DLGAP1: variants seen among roughly 807,000 people sequenced by gnomAD.
The protein encoded by DLGAP1 is DLG associated protein 1, also known as disks large-associated protein 1.
A neutral mutation model predicts 90.8 loss-of-function variants in DLGAP1; 11 were observed. That is an observed-to-expected ratio of 0.12 (90% confidence interval 0.08 to 0.20). DLGAP1 has a LOEUF of 0.20. Among genes scored for constraint, DLGAP1 ranks in the 10% least tolerant of loss-of-function variants. The pLI is 1.00. For synonymous variants in DLGAP1, 558 were observed against 540.7 expected (o/e 1.03, Z -0.44); for missense variants, 1,050 against 1,333.8 (o/e 0.79, Z 3.31).
chr18:3,927,658 T>C (rs1018723978), intron 3 of DLGAP1, among the ~76,000 whole-genome samples: 2 of 152,214 alleles, frequency 1.3e-5, no homozygotes, highest in African/African-American at 4.8e-5. Context: ...TATCTGCTAG[T>C]AGAGTAAAGA....
At chr18:3,953,385 G>C (rs6506144) in intron 3 of DLGAP1, among the ~76,000 whole-genome samples, 98,060 of 151,982 alleles carry the variant, frequency 0.65, 31,775 homozygotes, top group Non-Finnish European at 0.67. Context: ...TTCGATATGT[G>C]TATGTGTGCC....
Position 4,219,441 on chromosome 18 carries a change from A to G in DLGAP1, c.-266-68154T>C, listed in dbSNP as rs180671599. Among the ~76,000 whole-genome samples, 43 of 151,998 alleles carry G rather than the reference A, an allele frequency of 2.8e-4. No homozygotes were observed. In the East Asian group the frequency reaches 8.1e-3, roughly 29 times the overall value. On this transcript the variant is annotated intron_variant, in intron 1 of 12. Coordinates refer to ENST00000315677, the MANE Select transcript of DLGAP1 (RefSeq NM_004746.4). ...CCCAGTCCATGCAATGTTTCTTCAC[A>G]CTACTGTTTCCTTTGCTCTGCAGAA...
In DLGAP1 at chr18:3,715,104, A is replaced by G. The variant is rs117009390; in HGVS notation, c.1591+14031T>C. Among the ~76,000 whole-genome samples the G allele has an allele frequency of 1.2e-3, 190 of 152,348 alleles. 5 individuals carry two copies. The East Asian group carries it at 0.035, about 28-fold the overall frequency. On this transcript the variant is annotated intron_variant, in intron 7 of 12. Transcript: ENST00000315677. ...TAACCATATGAATGGAAGAAGCTCA[A>G]CTGCTTATTTCTAGGTTCTCATTCC...
At chr18:3,583,426 ATCTC>A (rs971401217) in intron 7 of DLGAP1, among the ~76,000 whole-genome samples, 1 of 149,278 alleles carries the variant, frequency 6.7e-6, no homozygotes, top group African/African-American at 2.5e-5. Context: ...CACCTTGCCT[ATCTC>A]TCTCTCTGTC....
chr18:4,451,658 G>T (rs2083835225), intron 1 of DLGAP1, among the ~76,000 whole-genome samples: 2 of 152,004 alleles, frequency 1.3e-5, no homozygotes, highest in Non-Finnish European at 2.9e-5. Context: ...AAAAAAGAAA[G>T]AAAAAACATC....
At chr18:4,190,072 G>A (rs533446990) in intron 1 of DLGAP1, among the ~76,000 whole-genome samples, 8 of 152,120 alleles carry the variant, frequency 5.3e-5, no homozygotes, top group Non-Finnish European at 1.2e-4. Flanking sequence ...ACAAGCTTAT[G>A]TCCACACAAA....
At chr18:3,801,168 T>C (rs1243820756) in intron 5 of DLGAP1, among the ~76,000 whole-genome samples, 4 of 152,032 alleles carry the variant, frequency 2.6e-5, no homozygotes, top group Non-Finnish European at 5.9e-5. Context: ...CACCAAGCCA[T>C]TCATTAGGGA....
intron 7 of DLGAP1, among the ~76,000 whole-genome samples, chr18:3,626,221 G>T (rs1484836882): frequency 6.6e-6 from 1 of 151,374 alleles, no homozygotes; most frequent in Non-Finnish European, 1.5e-5. Context: ...TTAGCCCGAG[G>T]TTGAGGCTAC....
chr18:3,874,037 A>G, intron 4 of DLGAP1: 1 of 1,501,804 alleles, frequency 6.7e-7, no homozygotes, highest in Non-Finnish European at 8.9e-7. Context: ...TCTAGCCATT[A>G]TTTAGAGGAG....
rs140526046 is a variant in DLGAP1, at chr18:4,265,231, C to T, written c.-266-113944G>A. 1.5e-3 allele frequency among the ~76,000 whole-genome samples: 228 copies of T among 151,496 alleles called. 1 individual carries two copies. The highest frequency in any genetic ancestry group is 5.3e-3 in the African/African-American group (217 of 41,248). Reference sequence around the variant, plus strand: ...TCACCCAGGCTGGAGTGCAGTGGCACGATCTCGGCTCACTGCAAGCTTCAC... The same window carrying T: ...TCACCCAGGCTGGAGTGCAGTGGCATGATCTCGGCTCACTGCAAGCTTCAC... On this transcript the variant is annotated intron_variant, in intron 1 of 12. Coordinates refer to ENST00000315677, the MANE Select transcript of DLGAP1 (RefSeq NM_004746.4).
intron 1 of DLGAP1, among the ~76,000 whole-genome samples, chr18:4,393,094 G>C (rs775596559): frequency 6.6e-6 from 1 of 152,124 alleles, no homozygotes; most frequent in South Asian, 2.1e-4. Flanking sequence ...CCTACAGTTG[G>C]TTTCTTTCCA....
intron 9 of DLGAP1, among the ~76,000 whole-genome samples, chr18:3,540,876 T>C (rs1402603183): frequency 6.6e-6 from 1 of 152,056 alleles, no homozygotes; most frequent in African/African-American, 2.4e-5. Flanking sequence ...ATAATGAGAG[T>C]GGACGTGTTG....
chr18:3,874,506 C>T, intron 4 of DLGAP1: 2 of 1,444,366 alleles, frequency 1.4e-6, no homozygotes, highest in Non-Finnish European at 1.8e-6. Context: ...ATAAACAGAA[C>T]CAAGAATTCT....
intron 4 of DLGAP1, among the ~76,000 whole-genome samples, chr18:3,866,228 C>G (rs1246182152): frequency 6.6e-6 from 1 of 152,144 alleles, no homozygotes; most frequent in Non-Finnish European, 1.5e-5. Flanking sequence ...GCTGCTGCTG[C>G]TGCTAATACA....
At chr18:4,393,664 T>C (rs1024682874) in intron 1 of DLGAP1, among the ~76,000 whole-genome samples, 1 of 152,192 alleles carries the variant, frequency 6.6e-6, no homozygotes, top group Admixed American at 6.5e-5. Context: ...GAACTCTACA[T>C]CTGCTTTACT....
intron 1 of DLGAP1, among the ~76,000 whole-genome samples, chr18:4,354,735 C>T (rs35229598): frequency 3.3e-5 from 5 of 151,832 alleles, no homozygotes; most frequent in African/African-American, 1.2e-4. Flanking sequence ...ACATCCATAT[C>T]TAAGGCACAC....
At chr18:3,686,018 A>G (rs192100450) in intron 7 of DLGAP1, among the ~76,000 whole-genome samples, 342 of 152,196 alleles carry the variant, frequency 2.2e-3, no homozygotes, top group Admixed American at 4.8e-3. Context: ...TACTAAAAAT[A>G]CAGAAAAATT....
chr18:4,214,110 G>A lies in DLGAP1; in HGVS notation c.-266-62823C>T, dbSNP rs2077902438. On this transcript the variant is annotated intron_variant, in intron 1 of 12. Coordinates refer to ENST00000315677, the MANE Select transcript of DLGAP1 (RefSeq NM_004746.4). ...CCGAAACTCATCAAGACGGATAAAG[G>A]TCAAAAGAGGACTTTGGACTTTATT... is the stretch of plus-strand genomic sequence containing the variant. 6.6e-5 allele frequency among the ~76,000 whole-genome samples: 10 copies of A among 152,118 alleles called. No homozygotes were observed. In the South Asian group the frequency reaches 2.1e-3, roughly 32 times the overall value.
chr18:4,243,312 A>G (rs2078585437), intron 1 of DLGAP1, among the ~76,000 whole-genome samples: 1 of 61,500 alleles, frequency 1.6e-5, no homozygotes, highest in Non-Finnish European at 5.3e-5. Flanking sequence ...TAACCGAAAC[A>G]AAACTCATAA....
Sources: allele counts gnomAD v4.1 joint callset (sites outside exome capture counted in the v4.1 genomes callset), GRCh38; gene constraint gnomAD v4.1.1; transcripts MANE v1.5; gene names NCBI Gene and HGNC (gene_info 2026-07-23, HGNC 2026-07-21).